Variants in FAM13A observed in about 807,000 individuals in gnomAD.
FAM13A encodes family with sequence similarity 13 member A.
A neutral mutation model predicts 129.6 loss-of-function variants in FAM13A; 76 were observed. The observed-to-expected ratio is 0.59, with a 90% CI of 0.49 to 0.71. The LOEUF (loss-of-function observed/expected upper bound fraction) is 0.71, where lower values mean the gene tolerates loss of function less well. Among genes scored for constraint, FAM13A ranks in the 30% least tolerant of loss-of-function variants. FAM13A has a pLI of 0.00. For missense variants in FAM13A, 1,108 were observed against 1,249.3 expected, an observed-to-expected ratio of 0.89 and a Z score of 1.70; for synonymous variants, 443 against 449.9, an observed-to-expected ratio of 0.98 and a Z score of 0.20.
At chr4:89,045,479 T>C (rs1404151219) in intron 1 of FAM13A, among the ~76,000 whole-genome samples, 1 of 152,176 alleles carries the variant, frequency 6.6e-6, no homozygotes, top group Non-Finnish European at 1.5e-5. Flanking sequence ...AAAGACATAA[T>C]TCACAAAATC....
chr4:88,981,633 T>C (rs1375911206), intron 4 of FAM13A, among the ~76,000 whole-genome samples: 1 of 152,166 alleles, frequency 6.6e-6, no homozygotes. Context: ...GTGTATTATT[T>C]TGACAGCAGG....
At chr4:88,767,268 A>T (rs1745865926) in intron 13 of FAM13A, among the ~76,000 whole-genome samples, 1 of 152,226 alleles carries the variant, frequency 6.6e-6, no homozygotes, top group Non-Finnish European at 1.5e-5. Flanking sequence ...TAAAACCAGT[A>T]GCTTTGGCTT....
In FAM13A at chr4:88,821,898, T is replaced by C. The variant is rs1578818618; in HGVS notation, c.1008-16846A>G. On this transcript the variant is annotated intron_variant, in intron 7 of 23. Coordinates refer to ENST00000264344, the MANE Select transcript of FAM13A (RefSeq NM_014883.4). ...GTGAAGGAAAAATGACTATACTGTT[T>C]TATCTCACTGTAAGTATCTGTAGAA... 2.0e-5 allele frequency among the ~76,000 whole-genome samples: 3 copies of C among 152,218 alleles called. No homozygotes were observed. In the South Asian group the frequency reaches 6.2e-4, roughly 31 times the overall value.
At chr4:88,837,576 G>A (rs1055591594) in intron 7 of FAM13A, among the ~76,000 whole-genome samples, 3 of 151,602 alleles carry the variant, frequency 2.0e-5, no homozygotes, top group African/African-American at 7.3e-5. Flanking sequence ...AAATTAGCCA[G>A]GTGTGGTGGC....
At chr4:88,734,618 G>A (rs1452197178) in intron 21 of FAM13A, among the ~76,000 whole-genome samples, 2 of 152,204 alleles carry the variant, frequency 1.3e-5, no homozygotes, top group African/African-American at 4.8e-5. Context: ...CTCAATCAGG[G>A]TGATCTGTTC....
intron 7 of FAM13A, among the ~76,000 whole-genome samples, chr4:88,816,720 A>G (rs917673660): frequency 6.6e-6 from 1 of 152,194 alleles, no homozygotes; most frequent in South Asian, 2.1e-4. Context: ...ATGATCATCA[A>G]CTTCGTATAC....
At chr4:88,908,308 T>C (rs753108184) in intron 5 of FAM13A, among the ~76,000 whole-genome samples, 22 of 152,360 alleles carry the variant, frequency 1.4e-4, no homozygotes, top group South Asian at 6.2e-4. Flanking sequence ...GCATAATACA[T>C]TGCATAATTT....
Position 89,034,769 on chromosome 4 carries a change from C to T in FAM13A, c.28-5120G>A, listed in dbSNP as rs558277901. ...TGGTGGTGGGTGCCTGTAATCCCAG[C>T]CACTCGGGAGGCTGAGGCAGGAGAA... On this transcript the variant is annotated intron_variant, in intron 1 of 23. Transcript: ENST00000264344. 3.5e-3 allele frequency among the ~76,000 whole-genome samples: 537 copies of T among 152,254 alleles called. 4 individuals carry two copies. Among genetic ancestry groups the T allele is most frequent in the African/African-American group, 0.012 (514 of 41,546 alleles).
At chr4:88,747,117 A>T in intron 18 of FAM13A, 102 bp from the exon 19 acceptor site, 1 of 777,138 alleles carries the variant, frequency 1.3e-6, no homozygotes, top group Non-Finnish European at 2.2e-6. Context: ...AAGAACCCTC[A>T]TATAACAGCT....
Position 88,859,640 on chromosome 4 carries a change from A to G in FAM13A, c.844-8457T>C, listed in dbSNP as rs539717303. On this transcript the variant is annotated intron_variant, in intron 6 of 23. Transcript: ENST00000264344. ...AAGCATGAAGGGCTTGAGGGGAAGG[A>G]GCAGGACTGCCAGCATGAGGGCCCT... is the stretch of plus-strand genomic sequence containing the variant. Among the ~76,000 whole-genome samples the G allele has an allele frequency of 9.2e-5, 14 of 152,266 alleles. No homozygotes were observed. In the South Asian group the frequency reaches 2.1e-3, roughly 23 times the overall value.
intron 15 of FAM13A, 148 bp downstream of exon 15, chr4:88,750,276 G>T: frequency 1.5e-6 from 1 of 672,832 alleles, no homozygotes; most frequent in Middle Eastern, 3.7e-4. Flanking sequence ...CTACAACATG[G>T]CCTGTGTCCT....
chr4:88,914,795 G>T (rs565393794), intron 5 of FAM13A, among the ~76,000 whole-genome samples: 1 of 152,166 alleles, frequency 6.6e-6, no homozygotes, highest in Admixed American at 6.6e-5. Flanking sequence ...TAGTTAATAA[G>T]TATTTTTTGA....
chr4:88,993,909 T>C (rs142772522), intron 3 of FAM13A, among the ~76,000 whole-genome samples: 2,192 of 151,750 alleles, frequency 0.014, 69 homozygotes, highest in African/African-American at 0.051. Flanking sequence ...GAGAATCGCT[T>C]GAACCTGGGA....
At chr4:88,733,236 A>C (rs975182928) in intron 21 of FAM13A, among the ~76,000 whole-genome samples, 6 of 152,228 alleles carry the variant, frequency 3.9e-5, no homozygotes, top group Non-Finnish European at 7.3e-5. Flanking sequence ...ATGTTTAATA[A>C]GGGTGTTTCT....
chr4:88,792,972 A>ACCCTCCC, intron 8 of FAM13A, among the ~76,000 whole-genome samples: 1 of 152,032 alleles, frequency 6.6e-6, no homozygotes, highest in Non-Finnish European at 1.5e-5. Context: ...GTGCTTCTTC[A>ACCCTCCC]TTCTTAATGT....
At chr4:89,053,403 A>C (rs1708676) in intron 1 of FAM13A, among the ~76,000 whole-genome samples, 4,122 of 152,292 alleles carry the variant, frequency 0.027, 83 homozygotes, top group Non-Finnish European at 0.044. Flanking sequence ...CTGTCAAAGA[A>C]GATAAACCTA....
At chr4:88,924,175 A>T (rs28793313) in intron 5 of FAM13A, among the ~76,000 whole-genome samples, 6,759 of 152,234 alleles carry the variant, frequency 0.044, 484 homozygotes, top group African/African-American at 0.15. Flanking sequence ...GCTACCAATG[A>T]CTTTCTTCAC....
At chr4:88,873,030 T>C (rs903674772) in intron 6 of FAM13A, among the ~76,000 whole-genome samples, 2 of 152,178 alleles carry the variant, frequency 1.3e-5, no homozygotes, top group African/African-American at 4.8e-5. Context: ...AACTTGCTCC[T>C]GAATGACTAC....
At position 89,057,175 on chromosome 4, in the gene FAM13A, T is replaced by C; in HGVS notation, c.-211A>G. The C allele has an allele frequency of 4.3e-6, 6 of 1,407,976 alleles. No individual in the cohort carries two copies. In the East Asian group the frequency reaches 1.1e-4, roughly 25 times the overall value. The allele number at this position is 1,407,976 out of a possible 1,614,324, so 87.2% of individuals were successfully genotyped here. A position where few individuals can be genotyped will look rare whatever the true frequency, so the allele number is the denominator to read the frequency against. On this transcript the variant is annotated 5_prime_UTR_variant, in exon 1 of 24. Coordinates refer to ENST00000264344, the MANE Select transcript of FAM13A (RefSeq NM_014883.4). ...GCTGAACCCACATGGCTGGAAGGAC[T>C]GCCTGGAGTTGAAATTTGATCCACA...
Sources: allele counts gnomAD v4.1 joint callset (sites outside exome capture counted in the v4.1 genomes callset), GRCh38; gene constraint gnomAD v4.1.1; transcripts MANE v1.5; gene names NCBI Gene and HGNC (gene_info 2026-07-23, HGNC 2026-07-21).